VGLL3: variants seen among roughly 807,000 people sequenced by gnomAD.
VGLL3 encodes the protein vestigial like family member 3, also known as transcription cofactor vestigial-like protein 3.
In VGLL3, 18 loss-of-function variants were observed where a neutral mutation model predicts 29.2. That is an observed-to-expected ratio of 0.62 (90% CI 0.43 to 0.91). The LOEUF is 0.91. VGLL3 is among the 40% of genes least tolerant of loss of function. The pLI is 0.00. For missense variants in VGLL3, 440 were observed against 413.2 expected (o/e 1.06, Z -0.56); for synonymous variants, 180 against 151.8 (o/e 1.19, Z -1.36).
rs202026726 is a variant in VGLL3, at chr3:86,941,460, TA to T, written c.*5563del. 3 of 151,192 alleles carry T rather than the reference TA, an allele frequency of 2.0e-5. No individual in the cohort carries two copies. Among genetic ancestry groups the T allele is most frequent in the Admixed American group, 2.0e-4 (3 of 15,124 alleles). 9.4% of individuals were successfully genotyped at this position (151,192 alleles called of 1,614,324 possible). On this transcript the variant is annotated 3_prime_UTR_variant, in exon 4 of 4. Coordinates refer to ENST00000398399, the MANE Select transcript of VGLL3 (RefSeq NM_016206.4). ...GTAGTCTAGAAATTGTTTTTTTTTT[TA>T]AAAAAACAAATTGATGATTACTTAT...
rs1445157573 is a variant in VGLL3 at position 86,947,050 on chromosome 3, T to C, written c.955A>G (p.Lys319Glu). 3.8e-6 allele frequency: 3 copies of C among 780,642 alleles called. No individual in the cohort carries two copies. Among genetic ancestry groups the C allele is most frequent in the Non-Finnish European group, 7.2e-6 (3 of 417,930 alleles). The allele number at this position is 780,642 out of a possible 1,614,324, so 48.4% of individuals were successfully genotyped here. The change falls in exon 4 of 4, where the codon AAG becomes GAG. Residue 319 changes from lysine (K) to glutamate (E), a missense_variant. Lys to Glu is a moderately conservative substitution (Grantham distance 56). Coordinates refer to ENST00000398399, the MANE Select transcript of VGLL3 (RefSeq NM_016206.4). ...GFDTGLQHQD[K>E]SKESPWY ...CAGTACCACGGTGATTCCTTACTCT[T>C]GTCTTGATGCTGTAGACCTGGAACA...
intron 2 of VGLL3, among the ~76,000 whole-genome samples, 159 bp downstream of exon 2, chr3:86,978,367 C>T (rs779252043): frequency 6.6e-6 from 1 of 152,128 alleles, no homozygotes; most frequent in Non-Finnish European, 1.5e-5. Context: ...GTGACAAAAC[C>T]GATCCAGCTG....
intron 3 of VGLL3, chr3:86,961,822 A>G: frequency 1.6e-6 from 1 of 629,314 alleles, no homozygotes; most frequent in Non-Finnish European, 2.0e-6. Context: ...TGCAGAAGTG[A>G]CAAAGCTAAA....
At chr3:86,953,743 A>T (rs1299559678) in intron 3 of VGLL3, among the ~76,000 whole-genome samples, 1 of 152,110 alleles carries the variant, frequency 6.6e-6, no homozygotes, top group Non-Finnish European at 1.5e-5. Flanking sequence ...TATGCTTTTT[A>T]AAAAGTAATT....
intron 3 of VGLL3, among the ~76,000 whole-genome samples, chr3:86,963,538 C>A (rs1455300503): frequency 1.3e-5 from 2 of 152,082 alleles, no homozygotes; most frequent in Non-Finnish European, 2.9e-5. Flanking sequence ...TATTATAAGA[C>A]CAATCAGTTA....
rs1032057055 is a variant in VGLL3 at position 86,968,845 on chromosome 3, G to T, written c.682C>A (p.Arg228=). 2 of 1,614,140 alleles carry T rather than the reference G, an allele frequency of 1.2e-6. No homozygotes were observed. Among genetic ancestry groups the T allele is most frequent in the South Asian group, 2.2e-5 (2 of 91,082 alleles). ...ATGTGGGCATGAGGGTGGTGGTGCC[G>T]CATGTACACGTCATGCATATGGCTG... ...SYSHMHDVYM[R]HHHPHAHMHH... Residue 228 remains arginine (R), a synonymous_variant, in exon 3 of 4, where the codon CGG becomes AGG. Coordinates refer to ENST00000398399, the MANE Select transcript of VGLL3 (RefSeq NM_016206.4).
chr3:86,939,150 A>T lies in VGLL3; in HGVS notation c.*7874T>A, dbSNP rs1405401090. 6.6e-6 allele frequency: 1 copy of T among 152,224 alleles called. No individual in the cohort carries two copies. The highest frequency in any genetic ancestry group is 2.4e-5 in the African/African-American group (1 of 41,470). The allele number at this position is 152,224 out of a possible 1,614,324, so 9.4% of individuals were successfully genotyped here. A position where few individuals can be genotyped will look rare whatever the true frequency, so the allele number is the denominator to read the frequency against. On this transcript the variant is annotated 3_prime_UTR_variant, in exon 4 of 4. Coordinates refer to ENST00000398399, the MANE Select transcript of VGLL3 (RefSeq NM_016206.4). ...TGAATGAAGATAAACCCCCACACAA[A>T]TGCCAACGCAAACATTATGACTTGC... is the stretch of plus-strand genomic sequence containing the variant.
At chr3:86,954,519 C>A (rs1575861627) in intron 3 of VGLL3, among the ~76,000 whole-genome samples, 1 of 152,282 alleles carries the variant, frequency 6.6e-6, no homozygotes, top group Non-Finnish European at 1.5e-5. Flanking sequence ...GGTAAATTGG[C>A]AAGTACTTAA....
intron 1 of VGLL3, among the ~76,000 whole-genome samples, chr3:86,979,187 C>T (rs1705273598): frequency 6.6e-6 from 1 of 151,998 alleles, no homozygotes; most frequent in African/African-American, 2.4e-5. Flanking sequence ...TTTAAAAATG[C>T]AATGTACAGC....
rs1392877433 is a variant in VGLL3 at position 86,968,681 on chromosome 3, T to C, written c.846A>G (p.Thr282=). The change falls in exon 3 of 4, where the codon ACA becomes ACG. Residue 282 remains threonine, a synonymous_variant. Transcript: ENST00000398399. ...TAGCAGAGGTGACTGTAGTTGGTTC[T>C]GTCTTTGTGATGTCACACTGGGGAG... is the stretch of plus-strand genomic sequence containing the variant. ...IPAPQCDITK[T]EPTTVTSATS... 8 of 1,614,102 alleles carry C rather than the reference T, an allele frequency of 5.0e-6. No homozygotes were observed. Among genetic ancestry groups the C allele is most frequent in the Non-Finnish European group, 5.9e-6 (7 of 1,180,044 alleles).
intron 3 of VGLL3, among the ~76,000 whole-genome samples, chr3:86,948,444 C>A (rs970662955): frequency 6.6e-6 from 1 of 152,014 alleles, no homozygotes; most frequent in Non-Finnish European, 1.5e-5. Flanking sequence ...AAATAGGACA[C>A]AATTAGTGTT....
chr3:86,967,664 A>G (rs1488590545), intron 3 of VGLL3, among the ~76,000 whole-genome samples: 3 of 152,200 alleles, frequency 2.0e-5, no homozygotes, highest in Admixed American at 6.5e-5. Flanking sequence ...AGAGAGTTCC[A>G]ATGTGCCACA....
chr3:86,985,028 A>G (rs998717813), intron 1 of VGLL3, among the ~76,000 whole-genome samples: 1 of 152,190 alleles, frequency 6.6e-6, no homozygotes, highest in Non-Finnish European at 1.5e-5. Flanking sequence ...GACCGAAACT[A>G]TTTCCATGAG....
chr3:86,955,076 C>T (rs1016841638), intron 3 of VGLL3, among the ~76,000 whole-genome samples: 9 of 151,786 alleles, frequency 5.9e-5, no homozygotes, highest in Non-Finnish European at 5.9e-5. Flanking sequence ...ACAGATAATC[C>T]AATCAAAGAA....
At chr3:86,947,825 T>C (rs1704536759) in intron 3 of VGLL3, among the ~76,000 whole-genome samples, 1 of 152,024 alleles carries the variant, frequency 6.6e-6, no homozygotes. Flanking sequence ...CAGTAAGAAG[T>C]TTATCAAACA....
chr3:86,986,149 T>C (rs1417520899), intron 1 of VGLL3, among the ~76,000 whole-genome samples: 1 of 151,962 alleles, frequency 6.6e-6, no homozygotes, highest in Non-Finnish European at 1.5e-5. Context: ...TCTAAACACC[T>C]CTTTTACCAT....
intron 3 of VGLL3, among the ~76,000 whole-genome samples, chr3:86,950,869 C>T (rs947066621): frequency 1.3e-5 from 2 of 152,120 alleles, no homozygotes; most frequent in African/African-American, 4.8e-5. Context: ...TCAATTGCCT[C>T]TTGAGGCGGT....
rs1002110837 is a variant in VGLL3 at position 86,989,121 on chromosome 3, T to G, written c.126+1497A>C. On this transcript the variant is annotated intron_variant, in intron 1 of 3. Transcript: ENST00000398399. ...ACAGTATTAACTCCACACCACAGAT[T>G]CATTAATTTCACAACCCTAAAAAAT... 5.3e-5 allele frequency among the ~76,000 whole-genome samples: 8 copies of G among 152,298 alleles called. No individual in the cohort carries two copies. The South Asian group carries it at 6.2e-4, about 12-fold the overall frequency.
rs1465914392 is a variant in VGLL3 at position 86,940,552 on chromosome 3, T to A, written c.*6472A>T. On this transcript the variant is annotated 3_prime_UTR_variant, in exon 4 of 4. Coordinates refer to ENST00000398399, the MANE Select transcript of VGLL3 (RefSeq NM_016206.4). ...CCAAAATATTTATAAGATGCTTAATTGAATAAGGAGGAAACAAAAAGAGCT... is the reference window on the plus strand; with the variant it reads ...CCAAAATATTTATAAGATGCTTAATAGAATAAGGAGGAAACAAAAAGAGCT... 1 of 152,538 alleles carries A rather than the reference T, an allele frequency of 6.6e-6. No individual in the cohort carries two copies. Among genetic ancestry groups the A allele is most frequent in the Non-Finnish European group, 1.5e-5 (1 of 67,970 alleles). 9.4% of individuals were successfully genotyped at this position (152,538 alleles called of 1,614,324 possible).
Sources: allele counts gnomAD v4.1 joint callset (sites outside exome capture counted in the v4.1 genomes callset), GRCh38; gene constraint gnomAD v4.1.1; transcripts MANE v1.5; gene names NCBI Gene and HGNC (gene_info 2026-07-23, HGNC 2026-07-21).